Variants in FMNL2 observed in about 807,000 individuals in gnomAD.
FMNL2 encodes formin-like protein 2.
Under a neutral mutation model 130.2 loss-of-function variants are expected in FMNL2, and 51 were observed. The observed-to-expected ratio is 0.39, with a 90% CI of 0.31 to 0.49. The LOEUF (loss-of-function observed/expected upper bound fraction) is 0.49. Among genes scored for constraint, FMNL2 ranks in the 20% least tolerant of loss-of-function variants. FMNL2 has a pLI of 0.85. For missense variants in FMNL2, 977 were observed against 1,316.2 expected (o/e 0.74, Z 3.99); for synonymous variants, 465 against 467.1 (o/e 1.00, Z 0.06).
At chr2:152,459,950 T>C (rs1689153985) in intron 1 of FMNL2, among the ~76,000 whole-genome samples, 1 of 152,222 alleles carries the variant, frequency 6.6e-6, no homozygotes, top group Admixed American at 6.5e-5. Context: ...GAGTCCCTAG[T>C]CACCAAATAA....
intron 1 of FMNL2, among the ~76,000 whole-genome samples, chr2:152,509,148 A>G (rs1692345600): frequency 6.6e-6 from 1 of 152,182 alleles, no homozygotes; most frequent in African/African-American, 2.4e-5. Flanking sequence ...ACCAGGCATA[A>G]CTCAAATGAC....
intron 5 of FMNL2, among the ~76,000 whole-genome samples, chr2:152,559,420 C>G (rs1470396920): frequency 1.3e-5 from 2 of 152,164 alleles, no homozygotes. Flanking sequence ...TCTCCTGCCT[C>G]AGCCTCCTGA....
At position 152,357,185 on chromosome 2, in the gene FMNL2, CAGTTTAATGTATCACGATAAATATTAA is replaced by C. The variant is rs1560293920; in HGVS notation, c.117+21467_117+21493del. Among the ~76,000 whole-genome samples, 75 of 105,580 alleles carry C rather than the reference CAGTTTAATGTATCACGATAAATATTAA, an allele frequency of 7.1e-4. 4 individuals are homozygous for C. The highest frequency in any genetic ancestry group is 2.2e-3 in the African/African-American group (64 of 29,632). 69.3% of individuals were successfully genotyped at this position (105,580 alleles called of 152,430 possible). On this transcript the variant is annotated intron_variant, in intron 1 of 25. Transcript: ENST00000288670. ...TAATGTATCACGATAAATATTAAAT[CAGTTTAATGTATCACGATAAATATTAA>C]ATCAGTTTAATGTATCACGATAAAT...
At chr2:152,605,147 G>T (rs1698294662) in intron 9 of FMNL2, among the ~76,000 whole-genome samples, 1 of 151,964 alleles carries the variant, frequency 6.6e-6, no homozygotes, top group African/African-American at 2.4e-5. Context: ...GCAGAACATG[G>T]TAACCCCTTA....
At chr2:152,552,862 CT>C (rs1330090416) in intron 4 of FMNL2, among the ~76,000 whole-genome samples, 1 of 152,202 alleles carries the variant, frequency 6.6e-6, no homozygotes, top group Non-Finnish European at 1.5e-5. Context: ...GATTTACCAG[CT>C]TTATTCTATG....
intron 15 of FMNL2, among the ~76,000 whole-genome samples, chr2:152,623,620 G>A (rs941744916): frequency 9.2e-5 from 14 of 152,226 alleles, no homozygotes; most frequent in South Asian, 2.1e-4. Flanking sequence ...AAGCTTAGTC[G>A]TGTGTTGCTT....
chr2:152,446,172 C>T (rs1427302124), intron 1 of FMNL2, among the ~76,000 whole-genome samples: 1 of 152,194 alleles, frequency 6.6e-6, no homozygotes, highest in Non-Finnish European at 1.5e-5. Flanking sequence ...TGTGTCCATG[C>T]TGGCTAGCCT....
At chr2:152,409,357 T>G (rs1686164462) in intron 1 of FMNL2, among the ~76,000 whole-genome samples, 1 of 152,086 alleles carries the variant, frequency 6.6e-6, no homozygotes, top group South Asian at 2.1e-4. Flanking sequence ...TTTTTTTTGG[T>G]GAGGATATGG....
At chr2:152,443,549 G>A (rs1267241465) in intron 1 of FMNL2, among the ~76,000 whole-genome samples, 1 of 151,994 alleles carries the variant, frequency 6.6e-6, no homozygotes, top group African/African-American at 2.4e-5. Context: ...TGTTTAGAAG[G>A]GAGGAGAGTA....
At position 152,386,057 on chromosome 2, in the gene FMNL2, T is replaced by A. The variant is rs560972168; in HGVS notation, c.117+50337T>A. ...AGGTTCCCTGCCTTTCTTGGGAGCTTTAAACATAAGAGTATCAGGAAAGGT... is the reference window on the plus strand; with the variant it reads ...AGGTTCCCTGCCTTTCTTGGGAGCTATAAACATAAGAGTATCAGGAAAGGT... On this transcript the variant is annotated intron_variant, in intron 1 of 25. Coordinates refer to ENST00000288670, the MANE Select transcript of FMNL2 (RefSeq NM_052905.4). Among the ~76,000 whole-genome samples, 10 of 152,340 alleles carry A rather than the reference T, an allele frequency of 6.6e-5. No individual in the cohort carries two copies. In the South Asian group the frequency reaches 2.1e-3, roughly 32 times the overall value.
intron 9 of FMNL2, among the ~76,000 whole-genome samples, chr2:152,586,921 T>A (rs775624984): frequency 5.9e-5 from 9 of 152,156 alleles, no homozygotes; most frequent in Admixed American, 1.3e-4. Context: ...GCAGGGATTG[T>A]CTCTTCTTTG....
chr2:152,363,592 C>T (rs113043833), intron 1 of FMNL2, among the ~76,000 whole-genome samples: 2 of 151,864 alleles, frequency 1.3e-5, no homozygotes, highest in African/African-American at 2.4e-5. Flanking sequence ...GACAGAGTCT[C>T]GCTCTGTCGC....
chr2:152,500,513 T>A (rs1352921473), intron 1 of FMNL2, among the ~76,000 whole-genome samples: 2 of 152,030 alleles, frequency 1.3e-5, no homozygotes, highest in East Asian at 3.9e-4. Flanking sequence ...AGCAAATAGA[T>A]CCCCTACCCT....
rs1008888429 is a variant in FMNL2, at chr2:152,425,466, A to G, written c.117+89746A>G. Among the ~76,000 whole-genome samples, 6 of 152,358 alleles carry G rather than the reference A, an allele frequency of 3.9e-5. No individual in the cohort carries two copies. In the East Asian group the frequency reaches 7.7e-4, roughly 20 times the overall value. ...GCAGTTATAGAAACTTGTTTATTAC[A>G]TAATCTTTTTCTGACAATTCTGTTC... On this transcript the variant is annotated intron_variant, in intron 1 of 25. Transcript: ENST00000288670.
intron 1 of FMNL2, among the ~76,000 whole-genome samples, chr2:152,345,477 A>C (rs532293082): frequency 2.0e-4 from 30 of 152,362 alleles, no homozygotes; most frequent in Admixed American, 1.8e-3. Context: ...TGAGTTCAGT[A>C]CTGCTAAATG....
intron 9 of FMNL2, among the ~76,000 whole-genome samples, chr2:152,587,225 T>G (rs1697132641): frequency 3.3e-5 from 5 of 152,112 alleles, no homozygotes; most frequent in Admixed American, 3.3e-4. Flanking sequence ...AGCCGTGTAG[T>G]GGTCACTTCT....
intron 1 of FMNL2, among the ~76,000 whole-genome samples, chr2:152,407,454 G>A (rs1004339033): frequency 2.0e-5 from 3 of 151,914 alleles, no homozygotes; most frequent in Admixed American, 2.0e-4. Context: ...CAGGGGTGTG[G>A]GTGGAGCTCT....
At chr2:152,578,816 A>C in intron 7 of FMNL2, 72 bp from the exon 8 acceptor site, 1 of 1,353,036 alleles carries the variant, frequency 7.4e-7, no homozygotes, top group Non-Finnish European at 1.0e-6. Flanking sequence ...TTTGGTTTTA[A>C]ATCAATACTG....
intron 21 of FMNL2, 128 bp downstream of exon 21, chr2:152,632,265 G>A: frequency 8.0e-7 from 1 of 1,254,934 alleles, no homozygotes; most frequent in African/African-American, 1.5e-5. Flanking sequence ...CAGACACACT[G>A]AGCTGGAACA....
Sources: allele counts gnomAD v4.1 joint callset (sites outside exome capture counted in the v4.1 genomes callset), GRCh38; gene constraint gnomAD v4.1.1; transcripts MANE v1.5; gene names NCBI Gene and HGNC (gene_info 2026-07-23, HGNC 2026-07-21).